Variants in CNTN4 observed in about 807,000 individuals in gnomAD.
CNTN4 encodes the protein contactin 4.
Under a neutral mutation model 122.5 loss-of-function variants are expected in CNTN4, and 77 were observed. That is an observed-to-expected ratio of 0.63 (90% CI 0.52 to 0.76). CNTN4 has a LOEUF of 0.76. Among genes scored for constraint, CNTN4 ranks in the 30% least tolerant of loss-of-function variants. CNTN4 has a pLI of 0.00. For synonymous variants in CNTN4, 512 were observed against 447.0 expected, an observed-to-expected ratio of 1.15 and a Z score of -1.83; for missense variants, 1,256 against 1,259.1, an observed-to-expected ratio of 1.00 and a Z score of 0.04.
chr3:2,571,374 A>T, intron 3 of CNTN4, 42 bp from the exon 4 acceptor site: 1 of 733,502 alleles, frequency 1.4e-6, no homozygotes. Flanking sequence ...CACAAGGAGA[A>T]ATATTCCCAA....
At chr3:2,568,750 T>A (rs1466653500) in intron 3 of CNTN4, among the ~76,000 whole-genome samples, 1 of 152,184 alleles carries the variant, frequency 6.6e-6, no homozygotes, top group Non-Finnish European at 1.5e-5. Flanking sequence ...TTAGCAAAGG[T>A]GAACCTTACC....
chr3:2,840,508 G>C (rs1275763914), intron 7 of CNTN4, among the ~76,000 whole-genome samples: 3 of 129,390 alleles, frequency 2.3e-5, no homozygotes, highest in Non-Finnish European at 3.3e-5. Flanking sequence ...AGACCATCCT[G>C]GCTAACACGG....
rs375384517 is a variant in CNTN4 at position 2,591,079 on chromosome 3, A to G, written c.55+19521A>G. On this transcript the variant is annotated intron_variant, in intron 4 of 24. Transcript: ENST00000418658. ...TGCCTAGACCATCACAATATTTCTT[A>G]CAATTTATAATTGCTAATTGCTTTC... is the stretch of plus-strand genomic sequence containing the variant. Among the ~76,000 whole-genome samples, 16 of 152,270 alleles carry G rather than the reference A, an allele frequency of 1.1e-4. No individual in the cohort carries two copies. In the East Asian group the frequency reaches 2.7e-3, roughly 26 times the overall value.
intron 2 of CNTN4, among the ~76,000 whole-genome samples, chr3:2,255,957 G>A (rs2040573014): frequency 6.6e-6 from 1 of 151,994 alleles, no homozygotes; most frequent in African/African-American, 2.4e-5. Context: ...AACTGAAGGA[G>A]ATAGAGACAT....
chr3:2,510,612 AC>A (rs1208488821), intron 3 of CNTN4, among the ~76,000 whole-genome samples: 3 of 152,106 alleles, frequency 2.0e-5, no homozygotes, highest in African/African-American at 7.2e-5. Context: ...CATAACCCAG[AC>A]TTGCTTAACT....
chr3:2,405,654 T>C (rs1022666612), intron 3 of CNTN4, among the ~76,000 whole-genome samples: 1 of 152,112 alleles, frequency 6.6e-6, no homozygotes, highest in South Asian at 2.1e-4. Flanking sequence ...AAGGATCAGC[T>C]CTTCCTTCCA....
intron 3 of CNTN4, among the ~76,000 whole-genome samples, chr3:2,397,942 T>C (rs1363199687): frequency 2.0e-5 from 3 of 152,144 alleles, no homozygotes; most frequent in Non-Finnish European, 2.9e-5. Flanking sequence ...TCTAAGAAAA[T>C]GAAGAGTGTA....
chr3:2,305,587 T>G (rs1226609845), intron 2 of CNTN4, among the ~76,000 whole-genome samples: 2 of 152,218 alleles, frequency 1.3e-5, no homozygotes, highest in African/African-American at 4.8e-5. Flanking sequence ...GACCAATTCA[T>G]ATACTATACT....
intron 4 of CNTN4, among the ~76,000 whole-genome samples, chr3:2,612,809 C>T (rs905903333): frequency 6.6e-6 from 1 of 152,044 alleles, no homozygotes; most frequent in African/African-American, 2.4e-5. Flanking sequence ...TCCAACTATG[C>T]AAACTTAAAA....
chr3:2,433,298 A>G (rs2048144052), intron 3 of CNTN4, among the ~76,000 whole-genome samples: 2 of 152,174 alleles, frequency 1.3e-5, no homozygotes, highest in Admixed American at 6.5e-5. Context: ...ACCTTTGCCA[A>G]CACTTCCTTT....
chr3:2,105,992 A>G (rs1049948325), intron 2 of CNTN4, among the ~76,000 whole-genome samples: 5 of 152,248 alleles, frequency 3.3e-5, no homozygotes, highest in African/African-American at 1.2e-4. Flanking sequence ...TACAGGCCCC[A>G]TGCCAGTCTG....
intron 3 of CNTN4, among the ~76,000 whole-genome samples, chr3:2,546,038 G>A (rs1208797269): frequency 6.6e-6 from 1 of 151,914 alleles, no homozygotes; most frequent in African/African-American, 2.4e-5. Context: ...AAGGTTGCAG[G>A]AAAAAAGGGA....
chr3:2,336,665 G>C (rs1333656103), intron 2 of CNTN4, among the ~76,000 whole-genome samples: 1 of 152,104 alleles, frequency 6.6e-6, no homozygotes. Context: ...CAAAATGATA[G>C]TCTTCTAAGC....
In CNTN4 at chr3:2,919,353, G is replaced by GA. The variant is rs200119254; in HGVS notation, c.1208-6252dup. ...GGTGACAGAGCAAGACTCTGTCTCA[G>GA]AAAAAAAAAAAAAAAAAAAAAAAAC... is the stretch of plus-strand genomic sequence containing the variant. On this transcript the variant is annotated intron_variant, in intron 12 of 24. Coordinates refer to ENST00000418658, the MANE Select transcript of CNTN4 (RefSeq NM_175607.3). Among the ~76,000 whole-genome samples the GA allele has an allele frequency of 9.3e-3, 1,012 of 108,310 alleles. 6 individuals carry two copies. Among genetic ancestry groups the GA allele is most frequent in the Middle Eastern group, 0.019 (4 of 212 alleles). 71.1% of individuals were successfully genotyped at this position (108,310 alleles called of 152,430 possible). A position where few individuals can be genotyped will look rare whatever the true frequency, so the allele number is the denominator to read the frequency against.
chr3:2,421,757 T>C (rs1167667166), intron 3 of CNTN4, among the ~76,000 whole-genome samples: 3 of 152,204 alleles, frequency 2.0e-5, no homozygotes, highest in African/African-American at 7.2e-5. Flanking sequence ...GACTATTGAA[T>C]ATTTACTTTG....
intron 8 of CNTN4, chr3:2,882,806 A>G (rs1329404225): frequency 7.1e-6 from 2 of 282,016 alleles, no homozygotes; most frequent in East Asian, 1.8e-4. Context: ...GTATACTTCC[A>G]AAGAGATAAT....
chr3:2,336,826 TC>T (rs1318372150), intron 2 of CNTN4, among the ~76,000 whole-genome samples: 8 of 152,142 alleles, frequency 5.3e-5, no homozygotes, highest in Non-Finnish European at 1.0e-4. Context: ...ACTCTGGTTT[TC>T]TCTAAAGTCT....
chr3:2,390,135 T>G (rs1267132244), intron 3 of CNTN4, among the ~76,000 whole-genome samples: 1 of 151,966 alleles, frequency 6.6e-6, no homozygotes, highest in East Asian at 1.9e-4. Context: ...TTCCTTGATT[T>G]TAGGAAATAT....
chr3:2,376,688 TAAA>T (rs11404151), intron 3 of CNTN4, among the ~76,000 whole-genome samples: 7 of 134,372 alleles, frequency 5.2e-5, no homozygotes, highest in Admixed American at 7.5e-5. Flanking sequence ...ACTTGTATGT[TAAA>T]AAAAAAAAAA....
Sources: allele counts gnomAD v4.1 joint callset (sites outside exome capture counted in the v4.1 genomes callset), GRCh38; gene constraint gnomAD v4.1.1; transcripts MANE v1.5; gene names NCBI Gene and HGNC (gene_info 2026-07-23, HGNC 2026-07-21).